Variants in TMPRSS11E observed in about 807,000 individuals in gnomAD.
The protein encoded by TMPRSS11E is transmembrane serine protease 11E, also known as transmembrane protease serine 11E.
Under a neutral mutation model 48.1 loss-of-function variants are expected in TMPRSS11E, and 38 were observed. The observed-to-expected ratio is 0.79, with a 90% confidence interval of 0.61 to 1.04. The LOEUF (loss-of-function observed/expected upper bound fraction) is 1.04, where lower values mean the gene tolerates loss of function less well. TMPRSS11E is among the 50% of genes least tolerant of loss of function. TMPRSS11E has a pLI of 0.00. For synonymous variants in TMPRSS11E, 158 were observed against 171.9 expected, an observed-to-expected ratio of 0.92 and a Z score of 0.63; for missense variants, 530 against 510.8, an observed-to-expected ratio of 1.04 and a Z score of -0.36.
Position 68,461,598 on chromosome 4 carries a change from T to C in TMPRSS11E, c.12-223T>C, listed in dbSNP as rs1376456409. 5.9e-5 allele frequency among the ~76,000 whole-genome samples: 9 copies of C among 152,292 alleles called. No homozygotes were observed. In the South Asian group the frequency reaches 8.3e-4, roughly 14 times the overall value. Reference sequence around the variant, plus strand: ...GGTACTATCATTATCATCTTCCTTTTATGGATGAGGAAACCCAAGCACAAA... The same window carrying C: ...GGTACTATCATTATCATCTTCCTTTCATGGATGAGGAAACCCAAGCACAAA... On this transcript the variant is annotated intron_variant, in intron 1 of 9. Transcript: ENST00000305363.
intron 9 of TMPRSS11E, among the ~76,000 whole-genome samples, chr4:68,493,283 C>G (rs1437067991): frequency 6.6e-6 from 1 of 152,116 alleles, no homozygotes; most frequent in Non-Finnish European, 1.5e-5. Flanking sequence ...AATATCAAAT[C>G]TATTTTGAAG....
Position 68,460,113 on chromosome 4 carries a change from C to G in TMPRSS11E, c.12-1708C>G, listed in dbSNP as rs143588545. On this transcript the variant is annotated intron_variant, in intron 1 of 9. Coordinates refer to ENST00000305363, the MANE Select transcript of TMPRSS11E (RefSeq NM_014058.4). ...CGGCCCCGTGGAAAAATCACAGGAA[C>G]AAGGCAGGAGAACAAGCAGAGCCCC... Among the ~76,000 whole-genome samples, 171 of 152,230 alleles carry G rather than the reference C, an allele frequency of 1.1e-3. 4 individuals are homozygous for G. Among genetic ancestry groups the G allele is most frequent in the South Asian group, 5.2e-3 (25 of 4,820 alleles).
At chr4:68,469,028 T>G in intron 4 of TMPRSS11E, 82 bp downstream of exon 4, 1 of 1,100,232 alleles carries the variant, frequency 9.1e-7, no homozygotes, top group Non-Finnish European at 1.4e-6. Context: ...TTTCAAGTGT[T>G]AAAGATATAA....
chr4:68,479,942 C>A (rs1168092261), intron 9 of TMPRSS11E, among the ~76,000 whole-genome samples: 1 of 152,046 alleles, frequency 6.6e-6, no homozygotes, highest in Non-Finnish European at 1.5e-5. Flanking sequence ...TAATTTAGCA[C>A]TGACAGTTCT....
Position 68,496,699 on chromosome 4 carries a change from T to G in TMPRSS11E, c.1167T>G (p.Ala389=). 6.2e-7 allele frequency: 1 copy of G among 1,613,692 alleles called. No individual in the cohort carries two copies. The highest frequency in any genetic ancestry group is 2.2e-5 in the East Asian group (1 of 44,880). The change falls in exon 10 of 10, where the codon GCT becomes GCG. Residue 389 remains alanine (A), a synonymous_variant. Transcript: ENST00000305363. Reference sequence around the variant, plus strand: ...ATGCTAGAGATATCTGGTACCTTGCTGGAATAGTGAGCTGGGGAGATGAAT... The same window carrying G: ...ATGCTAGAGATATCTGGTACCTTGCGGGAATAGTGAGCTGGGGAGATGAAT... ...SSDARDIWYL[A]GIVSWGDECA...
At chr4:68,492,426 A>T (rs577702862) in intron 9 of TMPRSS11E, among the ~76,000 whole-genome samples, 1 of 152,310 alleles carries the variant, frequency 6.6e-6, no homozygotes, top group Admixed American at 6.5e-5. Flanking sequence ...TTCAGTTCTC[A>T]TTCTGTAAAC....
chr4:68,466,937 C>T (rs1728944169), intron 3 of TMPRSS11E, among the ~76,000 whole-genome samples, 185 bp downstream of exon 3: 1 of 152,096 alleles, frequency 6.6e-6, no homozygotes, highest in Non-Finnish European at 1.5e-5. Context: ...ATATGACTCA[C>T]AGGGTTGAAC....
At chr4:68,449,197 A>G (rs1013060507) in intron 1 of TMPRSS11E, among the ~76,000 whole-genome samples, 1 of 151,522 alleles carries the variant, frequency 6.6e-6, no homozygotes, top group East Asian at 1.9e-4. Context: ...TTGTACTGCC[A>G]TTTTCTCCAA....
chr4:68,452,346 G>A (rs1413949810), intron 1 of TMPRSS11E, among the ~76,000 whole-genome samples: 1 of 149,690 alleles, frequency 6.7e-6, no homozygotes, highest in Non-Finnish European at 1.5e-5. Context: ...TCAGGTCACA[G>A]TTAGTAAAAT....
In TMPRSS11E at chr4:68,447,523, G is replaced by T. The variant is rs185436714; in HGVS notation, c.11G>T (p.Arg4Leu). The T allele has an allele frequency of 4.4e-6, 7 of 1,608,708 alleles. No homozygotes were observed. Among genetic ancestry groups the T allele is most frequent in the East Asian group, 2.2e-5 (1 of 44,508 alleles). Residue 4 changes from arginine (R) to leucine (L), a missense_variant and splice_region_variant, in exon 1 of 10, where the codon CGG becomes CTG. Arg to Leu is a moderately radical substitution (Grantham distance 102). Transcript: ENST00000305363. MMY[R>L]PDVVRARKRV... Reference sequence around the variant, plus strand: ...CATTGCTGGTTGGCAATGATGTATCGGTGAGTTAGTTCCCTTTTTCTTTCT... The same window carrying T: ...CATTGCTGGTTGGCAATGATGTATCTGTGAGTTAGTTCCCTTTTTCTTTCT...
At chr4:68,452,515 A>C (rs1728527623) in intron 1 of TMPRSS11E, among the ~76,000 whole-genome samples, 2 of 151,964 alleles carry the variant, frequency 1.3e-5, no homozygotes, top group South Asian at 4.1e-4. Context: ...ACCAAAAATT[A>C]GGAAGACTGA....
In TMPRSS11E at chr4:68,466,790, T is replaced by A. The variant is rs769603937; in HGVS notation, c.258+38T>A. 4 of 1,611,078 alleles carry A rather than the reference T, an allele frequency of 2.5e-6. No homozygotes were observed. In the African/African-American group the frequency reaches 5.4e-5, roughly 22 times the overall value. ...TCATCTACTTCTAGTGCATTTGCTT[T>A]CACTTTTTACCATATTTTTAGCATC... On this transcript the variant is annotated intron_variant, in intron 3 of 9. Transcript: ENST00000305363.
chr4:68,460,432 C>G (rs1728756890), intron 1 of TMPRSS11E, among the ~76,000 whole-genome samples: 1 of 152,144 alleles, frequency 6.6e-6, no homozygotes, highest in South Asian at 2.1e-4. Context: ...GAATGGTTAT[C>G]CCGCCCCTTA....
In TMPRSS11E at chr4:68,477,490, G is replaced by T. The variant is rs1311852247; in HGVS notation, c.829G>T (p.Asp277Tyr). The change falls in exon 8 of 10, where the codon GAT becomes TAT. Residue 277 changes from aspartate to tyrosine, a missense_variant. Coordinates refer to ENST00000305363, the MANE Select transcript of TMPRSS11E (RefSeq NM_014058.4). ...EKYKHPSHDY[D>Y]ISLAELSSPV... ...ATACAAACACCCATCACATGACTAT[G>T]ATATTTCTCTTGCAGAGCTTTCTAG... The T allele has an allele frequency of 3.7e-6, 6 of 1,614,006 alleles. No individual in the cohort carries two copies. The highest frequency in any genetic ancestry group is 5.1e-6 in the Non-Finnish European group (6 of 1,179,980).
At chr4:68,482,695 G>A (rs998035804) in intron 9 of TMPRSS11E, among the ~76,000 whole-genome samples, 5 of 151,016 alleles carry the variant, frequency 3.3e-5, no homozygotes, top group South Asian at 2.1e-4. Context: ...TTGATTGATC[G>A]TGGGAGGTTT....
intron 9 of TMPRSS11E, among the ~76,000 whole-genome samples, chr4:68,493,027 T>G (rs1342236761): frequency 3.9e-5 from 6 of 152,170 alleles, no homozygotes; most frequent in Admixed American, 3.9e-4. Flanking sequence ...TATTCAACTA[T>G]CTCGGTTTCT....
At chr4:68,495,042 C>T (rs34594059) in intron 9 of TMPRSS11E, among the ~76,000 whole-genome samples, 76,822 of 151,796 alleles carry the variant, frequency 0.51, 21,727 homozygotes, top group Non-Finnish European at 0.65. Flanking sequence ...TTTATAATTC[C>T]ACTCCCATTA....
intron 5 of TMPRSS11E, among the ~76,000 whole-genome samples, chr4:68,472,004 A>G (rs1729084488): frequency 6.6e-6 from 1 of 151,966 alleles, no homozygotes; most frequent in African/African-American, 2.4e-5. Context: ...TTCAAATGTC[A>G]TTAATATACC....
At chr4:68,453,152 T>C (rs1052024892) in intron 1 of TMPRSS11E, among the ~76,000 whole-genome samples, 3 of 151,950 alleles carry the variant, frequency 2.0e-5, no homozygotes, top group African/African-American at 7.2e-5. Flanking sequence ...AGCTAATTTT[T>C]CATTATGAAA....
Sources: allele counts gnomAD v4.1 joint callset (sites outside exome capture counted in the v4.1 genomes callset), GRCh38; gene constraint gnomAD v4.1.1; transcripts MANE v1.5; gene names NCBI Gene and HGNC (gene_info 2026-07-23, HGNC 2026-07-21).